The following MAX variants were observed in gnomAD, a reference collection of about 807,000 sequenced individuals.
MAX encodes the protein MYC associated transcriptional regulator X.
In MAX, 3 loss-of-function variants were observed where a neutral mutation model predicts 22.3. That is an observed-to-expected ratio of 0.13 (90% CI 0.06 to 0.35). The LOEUF is 0.35. Among genes scored for constraint, MAX ranks in the 10% least tolerant of loss-of-function variants. The pLI, the probability that MAX is intolerant of heterozygous loss-of-function variation, is 1.00. For synonymous variants in MAX, 72 were observed against 77.7 expected, an observed-to-expected ratio of 0.93 and a Z score of 0.39; for missense variants, 119 against 209.4, an observed-to-expected ratio of 0.57 and a Z score of 2.66.
At chr14:65,102,547 C>T, upstream of MAX, 1 of 1,447,704 alleles carries the variant, frequency 6.9e-7, no homozygotes, top group Non-Finnish European at 9.1e-7. Context: ...GGCACGCACG[C>T]CCGGTCGGCC....
intron 3 of MAX, among the ~76,000 whole-genome samples, chr14:65,066,434 C>T (rs1039362356): frequency 3.9e-5 from 6 of 152,254 alleles, no homozygotes; most frequent in African/African-American, 1.4e-4. Context: ...TCCCGCTTCT[C>T]TGGCACATCC....
In MAX at chr14:65,040,526, G is replaced by A. The variant is rs116304205; in HGVS notation, c.172-34242C>T. ...TGTGATCATAGCTCACTGCAGCCTC[G>A]AACTCCTCGCCTCAAGTGATCTTCT... On this transcript the variant is annotated intron_variant, in intron 3 of 3. Transcript: ENST00000341653. Among the ~76,000 whole-genome samples, 245 of 150,950 alleles carry A rather than the reference G, an allele frequency of 1.6e-3. 1 individual carries two copies. The highest frequency in any genetic ancestry group is 5.9e-3 in the African/African-American group (243 of 41,074).
chr14:65,090,819 GTTTAA>G (rs1247033071), intron 3 of MAX, among the ~76,000 whole-genome samples: 2 of 152,176 alleles, frequency 1.3e-5, no homozygotes, highest in Non-Finnish European at 2.9e-5. Flanking sequence ...TTTTTAAAAT[GTTTAA>G]TTTATAGTAG....
Position 65,029,539 on chromosome 14 carries a change from A to G in MAX, c.172-23255T>C, listed in dbSNP as rs1293077011. 6.6e-6 allele frequency among the ~76,000 whole-genome samples: 1 copy of G among 152,230 alleles called. No individual in the cohort carries two copies. Among genetic ancestry groups the G allele is most frequent in the Non-Finnish European group, 1.5e-5 (1 of 68,038 alleles). ...AAAAATCAAATCACAGTGAACTCAT[A>G]GCAAGCACTATTTTTTCTCAGTTCT... On this transcript the variant is annotated intron_variant, in intron 3 of 3. Coordinates refer to the MAX transcript ENST00000341653. This position sits in a 1 kb window ranked among gnomAD's most constrained non-coding sequence, Gnocchi z 4.7.
At position 65,047,901 on chromosome 14, in the gene MAX, A is replaced by G. The variant is rs879497607; in HGVS notation, c.172-41617T>C. Among the ~76,000 whole-genome samples, 6 of 151,980 alleles carry G rather than the reference A, an allele frequency of 3.9e-5. No individual in the cohort carries two copies. The highest frequency in any genetic ancestry group is 5.9e-5 in the Non-Finnish European group (4 of 68,006). The stretch of plus-strand genomic sequence containing the variant: ...TGTACACAGCTTTTCCTGGAACCCT[A>G]CACAAAACCCCTTGAACAATGGGTA... On this transcript the variant is annotated intron_variant, in intron 3 of 3. Transcript: ENST00000341653. The surrounding 1 kb of genome is among the most constrained non-coding windows in gnomAD (Gnocchi z 5.2).
chr14:65,016,963 C>T (rs1228035652), intron 3 of MAX, among the ~76,000 whole-genome samples: 3 of 138,028 alleles, frequency 2.2e-5, no homozygotes, highest in African/African-American at 8.0e-5. Flanking sequence ...CACTCTGTCA[C>T]CCAGGCTGGG....
intron 3 of MAX, chr14:65,091,961 A>C (rs142357917): frequency 6.6e-6 from 1 of 152,352 alleles, no homozygotes; most frequent in African/African-American, 2.4e-5. Flanking sequence ...TGAATGAGTA[A>C]ATAAATGAGC....
chr14:65,061,508 T>G (rs1379457910), intron 3 of MAX: 3 of 999,112 alleles, frequency 3.0e-6, no homozygotes, highest in Non-Finnish European at 4.2e-6. Flanking sequence ...AAAAATTCTT[T>G]CCACACCTGT....
intron 3 of MAX, among the ~76,000 whole-genome samples, chr14:65,050,148 T>G (rs118118089): frequency 0.022 from 3,325 of 152,230 alleles, 71 homozygotes; most frequent in Non-Finnish European, 0.031. Context: ...CTCAGAAGAT[T>G]AGGCCAAACA....
In MAX at chr14:65,067,480, T is replaced by TA. The variant is rs557226197; in HGVS notation, c.171+26227dup. 3.8e-3 allele frequency among the ~76,000 whole-genome samples: 577 copies of TA among 152,326 alleles called. 2 individuals carry two copies. Among genetic ancestry groups the TA allele is most frequent in the Non-Finnish European group, 6.2e-3 (423 of 68,038 alleles). On this transcript the variant is annotated intron_variant, in intron 3 of 3. Transcript: ENST00000341653. ...TGAGCTGTCATGTCTCATGTCTCCT[T>TA]AGACTCCTCTTGGTTTTGACGGTTT...
At chr14:65,066,787 A>G (rs1003569605) in intron 3 of MAX, among the ~76,000 whole-genome samples, 1 of 148,490 alleles carries the variant, frequency 6.7e-6, no homozygotes, top group African/African-American at 2.5e-5. Context: ...GCTTGAACCC[A>G]GGAGGCAGAG....
rs901704729 is a variant in MAX at position 65,023,325 on chromosome 14, G to C, written c.172-17041C>G. On this transcript the variant is annotated intron_variant, in intron 3 of 3. Transcript: ENST00000341653. This position sits in a 1 kb window ranked among gnomAD's most constrained non-coding sequence, Gnocchi z 4.1. The stretch of plus-strand genomic sequence containing the variant: ...CCCCCTCACCTCAGCCAAAGTGCTG[G>C]GATTACAGGCATGAGCCACCACGCC... Among the ~76,000 whole-genome samples, 3 of 152,080 alleles carry C rather than the reference G, an allele frequency of 2.0e-5. No homozygotes were observed. Among genetic ancestry groups the C allele is most frequent in the African/African-American group, 7.2e-5 (3 of 41,402 alleles).
downstream of MAX, among the ~76,000 whole-genome samples, chr14:65,070,598 A>G (rs1426284277): frequency 1.3e-5 from 2 of 152,182 alleles, no homozygotes; most frequent in Admixed American, 1.3e-4. This position sits in a 1 kb window ranked among gnomAD's most constrained non-coding sequence, Gnocchi z 4.4. Context: ...ATTCTTCTAG[A>G]CACGCCCATC....
At position 65,084,245 on chromosome 14, in the gene MAX, T is replaced by A. The variant is rs773905099; in HGVS notation, c.172-6209A>T. The stretch of plus-strand genomic sequence containing the variant: ...GAAATGAAGGTGTGGCATTTCTGCA[T>A]CAAACTTTGACGATGAAGGACAGGA... On this transcript the variant is annotated intron_variant, in intron 3 of 4. Coordinates refer to ENST00000358664, the MANE Select transcript of MAX (RefSeq NM_002382.5). The surrounding 1 kb of genome is among the most constrained non-coding windows in gnomAD (Gnocchi z 4.3). The A allele has an allele frequency of 3.1e-6, 5 of 1,614,052 alleles. No individual in the cohort carries two copies. In the South Asian group the frequency reaches 3.3e-5, roughly 11 times the overall value.
At position 65,032,634 on chromosome 14, in the gene MAX, A is replaced by T; in HGVS notation, c.172-26350T>A. On this transcript the variant is annotated intron_variant, in intron 3 of 3. Coordinates refer to the MAX transcript ENST00000341653. The surrounding 1 kb of genome is among the most constrained non-coding windows in gnomAD (Gnocchi z 5.0). Reference sequence around the variant, plus strand: ...GAAGCGCATACTGTGCTGCCTCCGTAGCCTCGCTGACCAACATCATCACTC... The same window carrying T: ...GAAGCGCATACTGTGCTGCCTCCGTTGCCTCGCTGACCAACATCATCACTC... 1 of 1,613,996 alleles carries T rather than the reference A, an allele frequency of 6.2e-7. No individual in the cohort carries two copies. Among genetic ancestry groups the T allele is most frequent in the South Asian group, 1.1e-5 (1 of 91,078 alleles).
Position 65,037,403 on chromosome 14 carries a change from C to CTTTTTTTTTTTTTTT in MAX, c.172-31134_172-31120dup, listed in dbSNP as rs1555335876. ...TAGGCGTGAGCCACCACGCCGGGCC[C>CTTTTTTTTTTTTTTT]TTTTTTTTTTTTTTTTTTTTTTTTT... On this transcript the variant is annotated intron_variant, in intron 3 of 3. Transcript: ENST00000341653. Among the ~76,000 whole-genome samples the CTTTTTTTTTTTTTTT allele has an allele frequency of 1.7e-3, 51 of 29,680 alleles. 11 individuals are homozygous for CTTTTTTTTTTTTTTT. Among genetic ancestry groups the CTTTTTTTTTTTTTTT allele is most frequent in the Admixed American group, 4.6e-3 (11 of 2,374 alleles). 19.5% of individuals were successfully genotyped at this position (29,680 alleles called of 152,430 possible). A position where few individuals can be genotyped will look rare whatever the true frequency, so the allele number is the denominator to read the frequency against.
chr14:65,094,852 A>C (rs1288930045), intron 2 of MAX, among the ~76,000 whole-genome samples: 2 of 152,250 alleles, frequency 1.3e-5, no homozygotes, highest in Admixed American at 1.3e-4. Flanking sequence ...GAATTACGGA[A>C]ATTATGCTCT....
At chr14:65,008,336 G>A (rs2061627852) in intron 3 of MAX, among the ~76,000 whole-genome samples, 1 of 152,186 alleles carries the variant, frequency 6.6e-6, no homozygotes, top group East Asian at 1.9e-4. Context: ...TGCTGCCTTT[G>A]TGTGATCCTC....
chr14:65,015,874 C>G (rs373018811), intron 3 of MAX, among the ~76,000 whole-genome samples: 25 of 152,330 alleles, frequency 1.6e-4, no homozygotes, highest in African/African-American at 6.0e-4. Context: ...CCTGAAACTC[C>G]TCCACTTTAG....
Sources: gnomAD v4.1 joint callset for allele counts (sites outside exome capture counted in the v4.1 genomes callset) on GRCh38, gnomAD v4.1.1 for gene constraint, Gnocchi (gnomAD v3.1) non-coding constraint, MANE v1.5 for transcripts, NCBI Gene and HGNC (gene_info 2026-07-23, HGNC 2026-07-21) for gene names.